Variants in GSN observed in about 807,000 individuals in gnomAD.
GSN encodes the protein gelsolin, also known as actin-depolymerizing factor.
A neutral mutation model predicts 85.7 loss-of-function variants in GSN; 56 were observed. The ratio of observed to expected loss-of-function variants is 0.65; its 90% CI spans 0.53 to 0.82. The LOEUF is 0.82. Ranked by LOEUF, GSN falls within the 40% of genes least tolerant of loss-of-function variation. GSN has a pLI of 0.00. For missense variants in GSN, 857 were observed against 979.8 expected (o/e 0.87, Z 1.67); for synonymous variants, 373 against 399.1 (o/e 0.93, Z 0.78).
At chr9:121,238,879 G>A in intron 5 of GSN, 1 of 532,342 alleles carries the variant, frequency 1.9e-6, no homozygotes, top group Non-Finnish European at 3.8e-6. Context: ...CCAATAGCTT[G>A]CCTACAGCTG....
chr9:121,275,885 T>TA (rs2056604426), intron 1 of GSN, among the ~76,000 whole-genome samples: 1 of 152,180 alleles, frequency 6.6e-6, no homozygotes, highest in African/African-American at 2.4e-5. Flanking sequence ...ATTTAGCAAA[T>TA]AAAAAACAGT....
At chr9:121,269,053 C>T (rs1228075857) in intron 1 of GSN, among the ~76,000 whole-genome samples, 1 of 152,164 alleles carries the variant, frequency 6.6e-6, no homozygotes, top group Non-Finnish European at 1.5e-5. Flanking sequence ...GTCGCTTTAT[C>T]CTGTCTTCAC....
intron 2 of GSN, chr9:121,282,632 C>T: frequency 1.6e-6 from 1 of 636,626 alleles, no homozygotes; most frequent in Non-Finnish European, 2.3e-6. Context: ...GCCCAGAAAG[C>T]TGACTCACCC....
rs73660439 is a variant in GSN at position 121,327,400 on chromosome 9, C to T, written c.1680C>T (p.Ser560=). The change falls in exon 14 of 18, where the codon AGC becomes AGT. Residue 560 remains serine, a synonymous_variant. Transcript: ENST00000432226. ...ACCTGTGGGTGGGTACAGGAGCCAGCGAGGCAGAGAAGACGGGGGCCCAGG... is the reference window on the plus strand; with the variant it reads ...ACCTGTGGGTGGGTACAGGAGCCAGTGAGGCAGAGAAGACGGGGGCCCAGG... The part of the protein sequence containing the change: ...AAYLWVGTGA[S]EAEKTGAQEL... The T allele has an allele frequency of 8.3e-4, 1,341 of 1,613,022 alleles. 4 individuals carry two copies. The African/African-American group carries it at 0.012, about 14-fold the overall frequency.
chr9:121,293,401 G>T (rs1275403379), intron 2 of GSN, among the ~76,000 whole-genome samples: 1 of 102,634 alleles, frequency 9.7e-6, no homozygotes, highest in African/African-American at 4.0e-5. Flanking sequence ...ACCAGCATTT[G>T]TCTTTCCATT....
intron 4 of GSN, chr9:121,308,232 G>A (rs986772556): frequency 6.6e-6 from 1 of 152,270 alleles, no homozygotes; most frequent in African/African-American, 2.4e-5. Flanking sequence ...AGTCCCAAGG[G>A]ACTCTTGAAA....
Position 121,324,563 on chromosome 9 carries a change from C to G in GSN, c.1335C>G (p.Ala445=). The G allele has an allele frequency of 6.6e-7, 1 of 1,525,504 alleles. No individual in the cohort carries two copies. Among genetic ancestry groups the G allele is most frequent in the African/African-American group, 1.4e-5 (1 of 72,664 alleles). The allele number at this position is 1,525,504 out of a possible 1,614,324, so 94.5% of individuals were successfully genotyped here. A position where few individuals can be genotyped will look rare whatever the true frequency, so the allele number is the denominator to read the frequency against. ...TCACTTCCCCTTCCAGGCAGGGTGC[C>G]CAGTCTACCCAGGATGAGGTCGCTG... is the stretch of plus-strand genomic sequence containing the variant. ...QGQIIYNWQG[A]QSTQDEVAAS... Residue 445 remains alanine (A), a synonymous_variant, in exon 12 of 18, where the codon GCC becomes GCG. Transcript: ENST00000432226.
intron 6 of GSN, among the ~76,000 whole-genome samples, chr9:121,249,338 A>C (rs1321165326): frequency 5.3e-5 from 8 of 152,086 alleles, no homozygotes; most frequent in Non-Finnish European, 1.5e-5. Flanking sequence ...TTAGCCAGGC[A>C]TGGTGGCATG....
intron 2 of GSN, chr9:121,283,502 T>A (rs1049406344): frequency 1.9e-5 from 3 of 157,216 alleles, no homozygotes; most frequent in Non-Finnish European, 4.4e-5. Flanking sequence ...TTTACCATGT[T>A]GGCCAGGCTG....
intron 6 of GSN, among the ~76,000 whole-genome samples, chr9:121,259,818 A>G (rs2055043611): frequency 6.6e-6 from 1 of 152,218 alleles, no homozygotes; most frequent in South Asian, 2.1e-4. Context: ...ATCAAGTAGT[A>G]TACTTTAAAA....
intron 5 of GSN, among the ~76,000 whole-genome samples, chr9:121,241,469 T>G (rs1332292854): frequency 6.6e-6 from 1 of 152,220 alleles, no homozygotes; most frequent in Admixed American, 6.5e-5. Flanking sequence ...TTTTTGGTTC[T>G]GTCATTTAAT....
rs369082596 is a variant in GSN, at chr9:121,304,915, G to A, written c.351+1850G>A. On this transcript the variant is annotated intron_variant, in intron 4 of 17. Coordinates refer to ENST00000432226, the MANE Select transcript of GSN (RefSeq NM_198252.3). ...GAGTTGGGGAGACTGGCAGGCTCACGAAGAGTTAATCCATTGCCTCCAGGT... is the reference window on the plus strand; with the variant it reads ...GAGTTGGGGAGACTGGCAGGCTCACAAAGAGTTAATCCATTGCCTCCAGGT... Among the ~76,000 whole-genome samples, 55 of 152,282 alleles carry A rather than the reference G, an allele frequency of 3.6e-4. 1 individual carries two copies. In the South Asian group the frequency reaches 7.3e-3, roughly 20 times the overall value.
chr9:121,263,000 A>G (rs1224076548), intron 6 of GSN, among the ~76,000 whole-genome samples: 1 of 152,254 alleles, frequency 6.6e-6, no homozygotes, highest in African/African-American at 2.4e-5. Flanking sequence ...CGGAAAACCA[A>G]GCAAACACAT....
chr9:121,279,109 C>T (rs903889115), intron 1 of GSN, among the ~76,000 whole-genome samples: 2 of 152,106 alleles, frequency 1.3e-5, no homozygotes, highest in Admixed American at 6.5e-5. Context: ...AGAGTGTGAC[C>T]GGGCAGATTA....
chr9:121,244,910 A>G (rs1234492800), intron 5 of GSN, among the ~76,000 whole-genome samples: 3 of 152,168 alleles, frequency 2.0e-5, no homozygotes, highest in Non-Finnish European at 4.4e-5. Flanking sequence ...AAGAATAGAA[A>G]GGAAGGTACA....
Position 121,324,623 on chromosome 9 carries a change from G to T in GSN, c.1395G>T (p.Glu465Asp). The change falls in exon 12 of 18, where the codon GAG becomes GAT. Residue 465 changes from glutamate (E) to aspartate (D), a missense_variant. Physicochemically the swap from Glu to Asp is conservative, Grantham distance 45. Transcript: ENST00000432226. ...SAILTAQLDE[E>D]LGGTPVQSRV... Reference sequence around the variant, plus strand: ...TCCTGACTGCTCAGCTGGATGAGGAGCTGGGAGGTACCCCTGTCCAGGTGA... The same window carrying T: ...TCCTGACTGCTCAGCTGGATGAGGATCTGGGAGGTACCCCTGTCCAGGTGA... 6.5e-7 allele frequency: 1 copy of T among 1,539,790 alleles called. No homozygotes were observed.
chr9:121,202,646 C>G, the GSN span, among the ~76,000 whole-genome samples: 1 of 152,202 alleles, frequency 6.6e-6, no homozygotes, highest in African/African-American at 2.4e-5. Flanking sequence ...TTCTTGGACC[C>G]TGAGCACTTT....
intron 12 of GSN, among the ~76,000 whole-genome samples, chr9:121,325,176 A>G (rs2062998983): frequency 6.6e-6 from 1 of 152,238 alleles, no homozygotes; most frequent in Admixed American, 6.5e-5. Context: ...GTAAGCATTT[A>G]GAATCATGCC....
intron 5 of GSN, among the ~76,000 whole-genome samples, chr9:121,237,364 C>G (rs2054516073): frequency 6.6e-6 from 1 of 152,062 alleles, no homozygotes; most frequent in African/African-American, 2.4e-5. Flanking sequence ...GGGTTCAAGA[C>G]CAGCTTAGGC....
Sources: gnomAD v4.1 joint callset for allele counts (sites outside exome capture counted in the v4.1 genomes callset) on GRCh38, gnomAD v4.1.1 for gene constraint, MANE v1.5 for transcripts, NCBI Gene and HGNC (gene_info 2026-07-23, HGNC 2026-07-21) for gene names.